Variants in NKAIN2 observed in about 807,000 individuals in gnomAD.
The protein encoded by NKAIN2 is sodium/potassium transporting ATPase interacting 2, also known as sodium/potassium-transporting ATPase subunit beta-1-interacting protein 2.
In NKAIN2, 14 loss-of-function variants were observed where a neutral mutation model predicts 32.6. The observed-to-expected ratio is 0.43, with a 90% CI of 0.28 to 0.67. The LOEUF (loss-of-function observed/expected upper bound fraction) is 0.67. Among genes scored for constraint, NKAIN2 ranks in the 30% least tolerant of loss-of-function variants. The pLI is 0.17. For synonymous variants in NKAIN2, 80 were observed against 87.2 expected, an observed-to-expected ratio of 0.92 and a Z score of 0.46; for missense variants, 198 against 258.3, an observed-to-expected ratio of 0.77 and a Z score of 1.60.
chr6:124,345,565 G>A (rs1260979910), intron 2 of NKAIN2, among the ~76,000 whole-genome samples: 2 of 151,954 alleles, frequency 1.3e-5, no homozygotes, highest in Non-Finnish European at 2.9e-5. Context: ...AGTCTTGGGA[G>A]AGTGTATGTG....
intron 1 of NKAIN2, among the ~76,000 whole-genome samples, chr6:123,963,107 C>T (rs578186124): frequency 7.2e-5 from 11 of 152,224 alleles, no homozygotes; most frequent in South Asian, 2.1e-4. Flanking sequence ...GTGGAAACCT[C>T]GAAACTCATA....
At chr6:124,333,913 T>G (rs6933452) in intron 2 of NKAIN2, among the ~76,000 whole-genome samples, 131,375 of 152,136 alleles carry the variant, frequency 0.86, 57,076 homozygotes, top group African/African-American at 0.96. Context: ...ATAGCCAAAA[T>G]ATGCATAACT....
At chr6:124,435,769 T>C (rs891889390) in intron 3 of NKAIN2, among the ~76,000 whole-genome samples, 3 of 152,162 alleles carry the variant, frequency 2.0e-5, no homozygotes, top group Non-Finnish European at 4.4e-5. Flanking sequence ...AAGTGTTATA[T>C]TTTTCTCAAA....
At chr6:124,161,499 G>A (rs1788273419) in intron 1 of NKAIN2, among the ~76,000 whole-genome samples, 1 of 152,056 alleles carries the variant, frequency 6.6e-6, no homozygotes, top group African/African-American at 2.4e-5. Context: ...CTGAAGGCAA[G>A]CTGATTTTAT....
chr6:124,025,747 A>G (rs565939168), intron 1 of NKAIN2, among the ~76,000 whole-genome samples: 1 of 152,332 alleles, frequency 6.6e-6, no homozygotes, highest in African/African-American at 2.4e-5. Flanking sequence ...TTGATGTGCG[A>G]AAAAGTCACA....
At chr6:124,573,026 G>A (rs993374628) in intron 3 of NKAIN2, among the ~76,000 whole-genome samples, 16 of 152,036 alleles carry the variant, frequency 1.1e-4, no homozygotes, top group Non-Finnish European at 1.9e-4. Context: ...TTTTAGTAGA[G>A]ATGGGGTTTC....
intron 3 of NKAIN2, among the ~76,000 whole-genome samples, chr6:124,557,104 T>C (rs1263989754): frequency 6.6e-6 from 1 of 152,190 alleles, no homozygotes; most frequent in East Asian, 1.9e-4. Flanking sequence ...TGCCTATTAT[T>C]GAACACAAAG....
intron 4 of NKAIN2, among the ~76,000 whole-genome samples, chr6:124,706,678 G>A (rs1050578493): frequency 6.6e-6 from 1 of 152,128 alleles, no homozygotes; most frequent in African/African-American, 2.4e-5. Context: ...TGGTCAAAGA[G>A]CAGCAAGTCA....
chr6:124,805,584 T>C (rs971651953), intron 5 of NKAIN2, among the ~76,000 whole-genome samples: 1 of 152,096 alleles, frequency 6.6e-6, no homozygotes, highest in Non-Finnish European at 1.5e-5. Context: ...AAGCAGAGCA[T>C]CTCTCCTCCT....
chr6:124,679,323 A>G (rs113365645), intron 4 of NKAIN2, among the ~76,000 whole-genome samples: 2 of 152,092 alleles, frequency 1.3e-5, no homozygotes, highest in African/African-American at 4.8e-5. Flanking sequence ...GTGACGCTCA[A>G]ATTGGTGCCC....
At chr6:124,139,349 A>G (rs1787023340) in intron 1 of NKAIN2, among the ~76,000 whole-genome samples, 1 of 151,428 alleles carries the variant, frequency 6.6e-6, no homozygotes, top group South Asian at 2.1e-4. Context: ...CGGCCTCCCA[A>G]AGTGCTGGGA....
intron 3 of NKAIN2, among the ~76,000 whole-genome samples, chr6:124,627,632 G>T (rs909569220): frequency 6.6e-6 from 1 of 152,142 alleles, no homozygotes; most frequent in Non-Finnish European, 1.5e-5. Flanking sequence ...GTGCAAGTCT[G>T]AATTCTTAGT....
intron 4 of NKAIN2, among the ~76,000 whole-genome samples, chr6:124,737,414 T>G (rs1306768324): frequency 1.3e-5 from 2 of 151,872 alleles, no homozygotes; most frequent in African/African-American, 4.8e-5. Context: ...ATTGTAAGTT[T>G]CCTGAGGCCT....
intron 1 of NKAIN2, among the ~76,000 whole-genome samples, chr6:124,020,119 G>A (rs1159992308): frequency 6.6e-6 from 1 of 152,084 alleles, no homozygotes; most frequent in African/African-American, 2.4e-5. Context: ...GAAGGCAGCT[G>A]GAAGCAGAGG....
intron 1 of NKAIN2, among the ~76,000 whole-genome samples, chr6:123,947,682 T>C (rs1443461592): frequency 6.6e-6 from 1 of 152,162 alleles, no homozygotes; most frequent in African/African-American, 2.4e-5. Flanking sequence ...GTTGCATGCA[T>C]AGACTGTGCA....
intron 1 of NKAIN2, among the ~76,000 whole-genome samples, chr6:124,227,767 A>G (rs894948432): frequency 6.6e-6 from 1 of 152,170 alleles, no homozygotes; most frequent in Admixed American, 6.5e-5. Flanking sequence ...ACAGAAGGTA[A>G]TGCCTCATAA....
intron 3 of NKAIN2, among the ~76,000 whole-genome samples, chr6:124,516,055 C>A (rs1423442640): frequency 6.6e-6 from 1 of 152,134 alleles, no homozygotes; most frequent in Non-Finnish European, 1.5e-5. Flanking sequence ...ATCTTCCTCG[C>A]ACTATTCTAG....
intron 1 of NKAIN2, among the ~76,000 whole-genome samples, chr6:123,900,532 G>GGTTTTT (rs1774516637): frequency 2.7e-4 from 9 of 32,788 alleles, no homozygotes; most frequent in Non-Finnish European, 6.7e-4. Context: ...CTCCAGATTA[G>GGTTTTT]TTTTTTTTTT....
At chr6:124,374,734 T>A (rs1799908706) in intron 3 of NKAIN2, among the ~76,000 whole-genome samples, 1 of 152,162 alleles carries the variant, frequency 6.6e-6, no homozygotes, top group Non-Finnish European at 1.5e-5. Context: ...TGCAAAGATG[T>A]TAAAACATTA....
Sources: gnomAD v4.1 joint callset for allele counts (sites outside exome capture counted in the v4.1 genomes callset) on GRCh38, gnomAD v4.1.1 for gene constraint, MANE v1.5 for transcripts, NCBI Gene and HGNC (gene_info 2026-07-23, HGNC 2026-07-21) for gene names.